Variants in ADAM29 observed in about 807,000 individuals in gnomAD.
ADAM29 encodes disintegrin and metalloproteinase domain-containing protein 29.
For missense variants in ADAM29, 969 were observed against 1,001.8 expected, an observed-to-expected ratio of 0.97 and a Z score of 0.44; for synonymous variants, 367 against 342.3, an observed-to-expected ratio of 1.07 and a Z score of -0.80.
In ADAM29 at chr4:174,977,360, A is replaced by G. The variant is rs1474886279; in HGVS notation, c.1835A>G (p.His612Arg). 1 of 1,613,594 alleles carries G rather than the reference A, an allele frequency of 6.2e-7. No individual in the cohort carries two copies. Among genetic ancestry groups the G allele is most frequent in the Non-Finnish European group, 8.5e-7 (1 of 1,180,044 alleles). ...TGTGGGATAGATCATATATGCATCC[A>G]CAGGCACTGTGTCCATATAACCATC... ...TECGIDHICI[H>R]RHCVHITILN... The change falls in exon 5 of 5, where the codon CAC (histidine) becomes CGC (arginine). Residue 612 changes from histidine (H) to arginine (R), a missense_variant. His to Arg is a conservative substitution (Grantham distance 29). Coordinates refer to ENST00000359240, the MANE Select transcript of ADAM29 (RefSeq NM_014269.4).
chr4:174,922,040 T>A (rs1743192406), intron 2 of ADAM29, among the ~76,000 whole-genome samples: 1 of 152,228 alleles, frequency 6.6e-6, no homozygotes, highest in Non-Finnish European at 1.5e-5. Context: ...TAATGATTCT[T>A]TTTAACCTTT....
intron 2 of ADAM29, among the ~76,000 whole-genome samples, chr4:174,925,452 G>T (rs1255415206): frequency 2.6e-5 from 4 of 151,912 alleles, no homozygotes; most frequent in Non-Finnish European, 5.9e-5. Flanking sequence ...TCTGCCTCTT[G>T]TCATATAGCC....
intron 2 of ADAM29, among the ~76,000 whole-genome samples, chr4:174,922,523 C>A (rs1165934640): frequency 1.3e-5 from 2 of 152,014 alleles, no homozygotes; most frequent in Admixed American, 1.3e-4. Flanking sequence ...GAGTTTCAAT[C>A]AGCACGAGCA....
chr4:174,935,508 A>G (rs965995615), intron 3 of ADAM29, among the ~76,000 whole-genome samples: 2 of 152,026 alleles, frequency 1.3e-5, no homozygotes, highest in African/African-American at 4.8e-5. Flanking sequence ...ACGTCTAGTA[A>G]GATTTTTTTG....
chr4:174,972,270 A>G (rs1311365402), intron 4 of ADAM29, among the ~76,000 whole-genome samples: 4 of 152,108 alleles, frequency 2.6e-5, no homozygotes, highest in Non-Finnish European at 5.9e-5. Flanking sequence ...TGATATTTGC[A>G]CATTAGACAC....
At chr4:174,923,882 T>C (rs908634469) in intron 2 of ADAM29, 3 of 152,598 alleles carry the variant, frequency 2.0e-5, no homozygotes, top group Non-Finnish European at 4.4e-5. Flanking sequence ...CACACTCTGC[T>C]TGACAAGTGC....
At chr4:174,965,252 G>A (rs919972671) in intron 4 of ADAM29, among the ~76,000 whole-genome samples, 2 of 151,898 alleles carry the variant, frequency 1.3e-5, no homozygotes, top group African/African-American at 2.4e-5. Context: ...GCAAGAGAGA[G>A]AGAAACCAAG....
intron 4 of ADAM29, among the ~76,000 whole-genome samples, chr4:174,940,575 CA>C (rs1175684056): frequency 2.6e-5 from 4 of 151,892 alleles, no homozygotes; most frequent in African/African-American, 4.8e-5. Flanking sequence ...GACTTTTTTT[CA>C]TACTAGGATC....
At chr4:174,941,199 T>G (rs1271316009) in intron 4 of ADAM29, among the ~76,000 whole-genome samples, 5 of 152,182 alleles carry the variant, frequency 3.3e-5, no homozygotes, top group Non-Finnish European at 7.3e-5. Flanking sequence ...GTTATCTTGG[T>G]CTTGGGGTAA....
intron 3 of ADAM29, among the ~76,000 whole-genome samples, chr4:174,935,419 A>C (rs1202814856): frequency 2.6e-5 from 4 of 152,156 alleles, no homozygotes; most frequent in South Asian, 2.1e-4. Context: ...GTTTGGGACC[A>C]CAGGGAACCA....
At chr4:174,928,292 G>T (rs72710275) in intron 2 of ADAM29, among the ~76,000 whole-genome samples, 39,512 of 151,784 alleles carry the variant, frequency 0.26, 5,908 homozygotes, top group Non-Finnish European at 0.34. Context: ...GGGTCAGGGT[G>T]GGGGAGCTGA....
At chr4:174,938,177 A>T (rs1184317268) in intron 4 of ADAM29, among the ~76,000 whole-genome samples, 1 of 152,144 alleles carries the variant, frequency 6.6e-6, no homozygotes, top group East Asian at 1.9e-4. Flanking sequence ...TTCTAAGTGG[A>T]GATAACAAAT....
chr4:174,945,602 C>A (rs756030449), intron 4 of ADAM29, among the ~76,000 whole-genome samples: 14 of 152,242 alleles, frequency 9.2e-5, no homozygotes, highest in Non-Finnish European at 1.8e-4. Flanking sequence ...TCTAGGTTAT[C>A]TTCCAGGGTT....
chr4:174,969,791 A>C (rs1560890835), intron 4 of ADAM29, among the ~76,000 whole-genome samples: 1 of 152,078 alleles, frequency 6.6e-6, no homozygotes, highest in African/African-American at 2.4e-5. Flanking sequence ...AAATATCATT[A>C]ATTTATTTAC....
At chr4:174,958,754 T>C (rs1340162412) in intron 4 of ADAM29, among the ~76,000 whole-genome samples, 1 of 151,888 alleles carries the variant, frequency 6.6e-6, no homozygotes, top group African/African-American at 2.4e-5. Flanking sequence ...TTTTATATTA[T>C]TCCATTTTAT....
chr4:174,945,939 T>G (rs1744823870), intron 4 of ADAM29, among the ~76,000 whole-genome samples: 1 of 152,210 alleles, frequency 6.6e-6, no homozygotes, highest in South Asian at 2.1e-4. Context: ...GCCTCAGCTT[T>G]GTTCTTTTTG....
intron 2 of ADAM29, among the ~76,000 whole-genome samples, chr4:174,921,595 T>C (rs1454317336): frequency 6.6e-6 from 1 of 152,224 alleles, no homozygotes; most frequent in African/African-American, 2.4e-5. Flanking sequence ...CATGTTAAAC[T>C]GATATCCACC....
chr4:174,925,996 A>G (rs1743496933), intron 2 of ADAM29, among the ~76,000 whole-genome samples: 1 of 152,234 alleles, frequency 6.6e-6, no homozygotes, highest in Non-Finnish European at 1.5e-5. Context: ...TCATTTTAAA[A>G]AAAATTGTAT....
chr4:174,977,348 A>T lies in ADAM29; in HGVS notation c.1823A>T (p.His608Leu). 6.2e-7 allele frequency: 1 copy of T among 1,613,706 alleles called. No individual in the cohort carries two copies. The highest frequency in any genetic ancestry group is 8.5e-7 in the Non-Finnish European group (1 of 1,180,024). ...VKDGTECGID[H>L]ICIHRHCVHI... ...GATGGAACAGAGTGTGGGATAGATC[A>T]TATATGCATCCACAGGCACTGTGTC... is the stretch of plus-strand genomic sequence containing the variant. Residue 608 changes from histidine to leucine, a missense_variant, in exon 5 of 5, where the codon CAT (histidine) becomes CTT (leucine). His to Leu is a moderately conservative substitution (Grantham distance 99, BLOSUM62 -3). Coordinates refer to ENST00000359240, the MANE Select transcript of ADAM29 (RefSeq NM_014269.4).
Sources: allele counts gnomAD v4.1 joint callset (sites outside exome capture counted in the v4.1 genomes callset), GRCh38; gene constraint gnomAD v4.1.1; transcripts MANE v1.5; gene names NCBI Gene and HGNC (gene_info 2026-07-23, HGNC 2026-07-21).